The following MRPL27 variants were observed in gnomAD, a reference collection of about 807,000 sequenced individuals.
MRPL27 encodes large ribosomal subunit protein bL27m.
A neutral mutation model predicts 14.6 loss-of-function variants in MRPL27; 4 were observed. The ratio of observed to expected loss-of-function variants is 0.27; its 90% confidence interval spans 0.14 to 0.63. The LOEUF (loss-of-function observed/expected upper bound fraction) is 0.63. Ranked by LOEUF, MRPL27 falls within the 20% of genes least tolerant of loss-of-function variation. MRPL27 has a pLI of 0.85. For synonymous variants in MRPL27, 82 were observed against 75.5 expected (o/e 1.09, Z -0.45); for missense variants, 196 against 192.8 (o/e 1.02, Z -0.10).
chr17:50,368,165 A>T lies in MRPL27; in HGVS notation c.374T>A (p.Val125Glu), dbSNP rs1892392468. Residue 125 changes from valine to glutamate, a missense_variant, in exon 4 of 4, where the codon GTG (valine) becomes GAG (glutamate). By Grantham distance (121) the Val-to-Glu change is moderately radical. Transcript: ENST00000225969. ...DLITRLPKGA[V>E]LYKTFVHVVP... ...CACGTGGACAAAAGTCTTGTAGAGC[A>T]CAGCACCCTTGGGCAGCCTGGTGAT... 6.2e-7 allele frequency: 1 copy of T among 1,614,100 alleles called. No homozygotes were observed.
chr17:50,373,089 G>A, intron 1 of MRPL27, 42 bp downstream of exon 1: 4 of 1,612,900 alleles, frequency 2.5e-6, no homozygotes, highest in Non-Finnish European at 2.5e-6. Context: ...GCTCCACTCT[G>A]CCTCCCCGCC....
chr17:50,370,370 C>A, intron 2 of MRPL27, 85 bp downstream of exon 2: 2 of 1,591,350 alleles, frequency 1.3e-6, no homozygotes, highest in Non-Finnish European at 1.7e-6. Context: ...AGAACAGGGC[C>A]AGGCACACGC....
chr17:50,369,736 A>T, intron 3 of MRPL27: 1 of 447,124 alleles, frequency 2.2e-6, no homozygotes, highest in African/African-American at 2.1e-5. Context: ...AGAAAGGAGA[A>T]CCAAGAATAC....
At chr17:50,368,800 T>C in intron 3 of MRPL27, 2 of 699,630 alleles carry the variant, frequency 2.9e-6, no homozygotes, top group Non-Finnish European at 5.2e-6. Context: ...AATACCCATG[T>C]AAGCCCTTTA....
chr17:50,370,145 A>G (rs1415428580), intron 2 of MRPL27, 46 bp from the exon 3 acceptor site: 1 of 1,556,870 alleles, frequency 6.4e-7, no homozygotes, highest in Non-Finnish European at 8.7e-7. Context: ...GCAAACTACC[A>G]AGAAAACATG....
In MRPL27 at chr17:50,368,207, G is replaced by A. The variant is rs374680838; in HGVS notation, c.332C>T (p.Thr111Met). ...KEVYVPHPRN[T>M]EAVDLITRLP... is the part of the protein sequence containing the mutation. ...CCTGGTGATCAGATCCACAGCCTCC[G>A]TGTTTCTGGGATGAGGCACGTAGAC... The change falls in exon 4 of 4, where the codon ACG becomes ATG. Residue 111 changes from threonine (T) to methionine (M), a missense_variant. Thr to Met is a moderately conservative substitution (Grantham distance 81). Transcript: ENST00000225969. 6 of 1,614,078 alleles carry A rather than the reference G, an allele frequency of 3.7e-6. No homozygotes were observed. The highest frequency in any genetic ancestry group is 2.2e-5 in the South Asian group (2 of 91,092).
intron 1 of MRPL27, chr17:50,372,768 G>T: frequency 3.5e-6 from 1 of 286,448 alleles, no homozygotes; most frequent in Non-Finnish European, 6.6e-6. Context: ...ACCTACCGCC[G>T]TGTCTAGCAC....
intron 2 of MRPL27, 163 bp from the exon 3 acceptor site, chr17:50,370,262 C>A: frequency 8.7e-7 from 1 of 1,149,430 alleles, no homozygotes; most frequent in Non-Finnish European, 1.3e-6. Flanking sequence ...CAGCTCTTGT[C>A]TCTAATTGCA....
intron 3 of MRPL27, chr17:50,368,884 T>C: frequency 1.4e-6 from 1 of 702,298 alleles, no homozygotes; most frequent in Non-Finnish European, 2.6e-6. Flanking sequence ...AGATGTGAAA[T>C]ATGAAGCAGA....
intron 3 of MRPL27, 175 bp from the exon 4 acceptor site, chr17:50,368,473 A>G: frequency 1.5e-6 from 1 of 647,662 alleles, no homozygotes; most frequent in Non-Finnish European, 2.6e-6. Flanking sequence ...CTGCTTCTTT[A>G]TTGACTCATA....
intron 1 of MRPL27, among the ~76,000 whole-genome samples, chr17:50,371,913 CCATT>C: frequency 6.6e-6 from 1 of 152,306 alleles, no homozygotes; most frequent in Admixed American, 6.5e-5. Flanking sequence ...AATGGTACCA[CCATT>C]CATCCAGTTG....
intron 3 of MRPL27, 93 bp downstream of exon 3, chr17:50,369,939 C>T: frequency 7.3e-7 from 1 of 1,373,920 alleles, no homozygotes; most frequent in Non-Finnish European, 1.0e-6. Flanking sequence ...ATTTGGTAAG[C>T]ACTCAATACA....
intron 3 of MRPL27, chr17:50,368,967 G>A (rs945519867): frequency 1.3e-5 from 9 of 674,174 alleles, no homozygotes; most frequent in Non-Finnish European, 2.4e-5. Context: ...TTCAGGCTGG[G>A]TGTGTGGCAA....
chr17:50,368,933 T>C lies in MRPL27; in HGVS notation c.241-635A>G, dbSNP rs1032033179. ...GTTGTATATACAGTTTTTAACCATA[T>C]TTTTTAGCTTTTTCTTTTAGAACTT... is the stretch of plus-strand genomic sequence containing the variant. On this transcript the variant is annotated intron_variant, in intron 3 of 3. Transcript: ENST00000225969. 2.9e-5 allele frequency: 20 copies of C among 687,738 alleles called. No individual in the cohort carries two copies. In the African/African-American group the frequency reaches 3.5e-4, roughly 12 times the overall value. 42.6% of individuals were successfully genotyped at this position (687,738 alleles called of 1,614,324 possible). A position where few individuals can be genotyped will look rare whatever the true frequency, so the allele number is the denominator to read the frequency against.
At chr17:50,372,797 G>C (rs1913214400) in intron 1 of MRPL27, 6 of 375,886 alleles carry the variant, frequency 1.6e-5, no homozygotes, top group Admixed American at 8.9e-5. Flanking sequence ...ACCTCAATCT[G>C]CTGAATCAAT....
Position 50,368,278 on chromosome 17 carries a change from T to C in MRPL27, c.261A>G (p.Lys87=), listed in dbSNP as rs767446564. Reference sequence around the variant, plus strand: ...TCCCCTCTTCCAGGGCATACAGACATTTATTCTTCCCAACACCCACCTGCA... The same window carrying C: ...TCCCCTCTTCCAGGGCATACAGACACTTATTCTTCCCAACACCCACCTGCA... ...PGAHVGVGKN[K]CLYALEEGIV... The change falls in exon 4 of 4, where the codon AAA becomes AAG. Residue 87 remains lysine (K), a synonymous_variant. Transcript: ENST00000225969. 2.5e-6 allele frequency: 4 copies of C among 1,613,642 alleles called. No homozygotes were observed. The highest frequency in any genetic ancestry group is 1.7e-5 in the Admixed American group (1 of 59,914).
In MRPL27 at chr17:50,368,168, G is replaced by A; in HGVS notation, c.371C>T (p.Ala124Val). ...GTGGACAAAAGTCTTGTAGAGCACAGCACCCTTGGGCAGCCTGGTGATCAG... is the reference window on the plus strand; with the variant it reads ...GTGGACAAAAGTCTTGTAGAGCACAACACCCTTGGGCAGCCTGGTGATCAG... Reference protein sequence around the residue: ...VDLITRLPKGAVLYKTFVHVV... With the variant: ...VDLITRLPKGVVLYKTFVHVV... The change falls in exon 4 of 4, where the codon GCT becomes GTT. Residue 124 changes from alanine (A) to valine (V), a missense_variant. Coordinates refer to ENST00000225969, the MANE Select transcript of MRPL27 (RefSeq NM_016504.3). 1.9e-6 allele frequency: 3 copies of A among 1,614,226 alleles called. No individual in the cohort carries two copies. Among genetic ancestry groups the A allele is most frequent in the Non-Finnish European group, 2.5e-6 (3 of 1,180,036 alleles).
intron 1 of MRPL27, 141 bp from the exon 2 acceptor site, chr17:50,370,727 G>T: frequency 8.9e-7 from 1 of 1,123,896 alleles, no homozygotes; most frequent in Non-Finnish European, 1.3e-6. Context: ...GAGTGTATTA[G>T]TTCTCAGGGA....
Position 50,370,413 on chromosome 17 carries a change from A to G in MRPL27, c.172+42T>C, listed in dbSNP as rs372985691. 537 of 1,613,520 alleles carry G rather than the reference A, an allele frequency of 3.3e-4. 1 individual carries two copies. Among genetic ancestry groups the G allele is most frequent in the Non-Finnish European group, 4.3e-4 (512 of 1,179,866 alleles). On this transcript the variant is annotated intron_variant, in intron 2 of 3. Transcript: ENST00000225969. ...TTCTGCTCTCCTAAGGAACATGAGGACAGGGTGCAGCTAGGAAGGGGAAGC... is the reference window on the plus strand; with the variant it reads ...TTCTGCTCTCCTAAGGAACATGAGGGCAGGGTGCAGCTAGGAAGGGGAAGC...
Sources: allele counts gnomAD v4.1 joint callset (sites outside exome capture counted in the v4.1 genomes callset), GRCh38; gene constraint gnomAD v4.1.1; transcripts MANE v1.5; gene names NCBI Gene and HGNC (gene_info 2026-07-23, HGNC 2026-07-21).